The following OPCML variants were observed in gnomAD, a reference collection of about 807,000 sequenced individuals.
OPCML encodes the protein opioid-binding protein/cell adhesion molecule.
In OPCML, 13 loss-of-function variants were observed where a neutral mutation model predicts 37.8. The ratio of observed to expected loss-of-function variants is 0.34; its 90% CI spans 0.22 to 0.55. OPCML has a LOEUF of 0.55. Ranked by LOEUF, OPCML falls within the 20% of genes least tolerant of loss-of-function variation. The pLI, the probability that OPCML is intolerant of heterozygous loss-of-function variation, is 0.91. For synonymous variants in OPCML, 176 were observed against 168.8 expected (o/e 1.04, Z -0.33); for missense variants, 341 against 435.6 (o/e 0.78, Z 1.93).
rs936002507 is a variant in OPCML at position 132,931,214 on chromosome 11, A to T, written c.146+11712T>A. Among the ~76,000 whole-genome samples the T allele has an allele frequency of 2.6e-5, 4 of 152,280 alleles. No homozygotes were observed. The East Asian group carries it at 7.7e-4, about 29-fold the overall frequency. On this transcript the variant is annotated intron_variant, in intron 2 of 7. Coordinates refer to ENST00000524381, the MANE Select transcript of OPCML (RefSeq NM_001012393.5). ...ATAAGAGCTAAAACTATTAAAAAAA[A>T]TTTTAAGATAGGAAAAAAGCTTCAT...
Position 132,674,857 on chromosome 11 carries a change from A to G in OPCML, c.147-17538T>C, listed in dbSNP as rs76728846. ...ACTGGTTCTAGTTCTTCCTTGTAGC[A>G]GAAATAAATCCAGTGCTGCTTCTTC... On this transcript the variant is annotated intron_variant, in intron 2 of 7. Transcript: ENST00000524381. Among the ~76,000 whole-genome samples, 52 of 152,318 alleles carry G rather than the reference A, an allele frequency of 3.4e-4. 1 individual carries two copies. Among genetic ancestry groups the G allele is most frequent in the African/African-American group, 1.2e-3 (51 of 41,582 alleles).
chr11:133,082,173 G>A (rs997027719), intron 1 of OPCML, among the ~76,000 whole-genome samples: 1 of 151,538 alleles, frequency 6.6e-6, no homozygotes, highest in Admixed American at 6.6e-5. Context: ...CTGGGCCTCC[G>A]CCTCGGCTCC....
intron 1 of OPCML, among the ~76,000 whole-genome samples, chr11:133,017,686 G>A (rs190937911): frequency 6.6e-6 from 1 of 152,128 alleles, no homozygotes; most frequent in Non-Finnish European, 1.5e-5. Flanking sequence ...ACTGCGCCTG[G>A]CTTCTTCTTT....
chr11:132,599,366 G>GAGGAGGAAGA (rs202098010), intron 3 of OPCML, among the ~76,000 whole-genome samples: 45 of 128,584 alleles, frequency 3.5e-4, no homozygotes, highest in East Asian at 1.4e-3. Flanking sequence ...GGAGAAGGAG[G>GAGGAGGAAGA]AGGAGGAAGA....
At chr11:133,394,177 C>T (rs1464347134) in intron 1 of OPCML, among the ~76,000 whole-genome samples, 1 of 152,208 alleles carries the variant, frequency 6.6e-6, no homozygotes, top group East Asian at 1.9e-4. Flanking sequence ...GTCTCGCAGG[C>T]TCATAAACTC....
chr11:133,038,500 T>A (rs960396894), intron 1 of OPCML, among the ~76,000 whole-genome samples: 4 of 152,260 alleles, frequency 2.6e-5, no homozygotes, highest in Non-Finnish European at 5.9e-5. Flanking sequence ...AGATTCATTA[T>A]TTTAATTTTT....
chr11:132,953,612 A>G (rs2136702567), intron 1 of OPCML, among the ~76,000 whole-genome samples: 1 of 152,312 alleles, frequency 6.6e-6, no homozygotes, highest in Non-Finnish European at 1.5e-5. Flanking sequence ...GTTCAGTACC[A>G]TTATTACAGT....
intron 1 of OPCML, among the ~76,000 whole-genome samples, chr11:133,191,507 GTGT>G (rs1938317635): frequency 7.3e-6 from 1 of 137,560 alleles, no homozygotes; most frequent in African/African-American, 3.1e-5. Context: ...GTGTGTGGGT[GTGT>G]GTGTGTGTGT....
chr11:132,581,595 G>A (rs898010360), intron 3 of OPCML, among the ~76,000 whole-genome samples: 7 of 152,194 alleles, frequency 4.6e-5, no homozygotes, highest in African/African-American at 1.7e-4. Flanking sequence ...AACTAAGGCA[G>A]AGAAGAGAGC....
intron 4 of OPCML, among the ~76,000 whole-genome samples, chr11:132,449,982 G>C (rs1442902802): frequency 1.3e-5 from 2 of 152,174 alleles, no homozygotes; most frequent in Non-Finnish European, 2.9e-5. Flanking sequence ...GTTTGGAGGT[G>C]TGAGTTCTGT....
chr11:132,959,591 A>T (rs1383166803), intron 1 of OPCML, among the ~76,000 whole-genome samples: 1 of 152,084 alleles, frequency 6.6e-6, no homozygotes, highest in Non-Finnish European at 1.5e-5. Flanking sequence ...GAGAGTGGAA[A>T]AGAAAGTGGA....
chr11:132,618,604 C>T (rs190404579), intron 3 of OPCML, among the ~76,000 whole-genome samples: 28 of 152,280 alleles, frequency 1.8e-4, no homozygotes, highest in South Asian at 6.2e-4. Context: ...TCACACTGAA[C>T]GGATTTACCA....
At chr11:133,004,234 C>G (rs1947064372) in intron 1 of OPCML, 1 of 985,348 alleles carries the variant, frequency 1.0e-6, no homozygotes, top group African/African-American at 1.7e-5. Context: ...ATTGCCAGTG[C>G]CCCTGGGGAC....
intron 2 of OPCML, among the ~76,000 whole-genome samples, chr11:132,767,507 C>T (rs1946488093): frequency 6.6e-6 from 1 of 152,180 alleles, no homozygotes; most frequent in Admixed American, 6.5e-5. Context: ...ACTGCATTAC[C>T]CAGACTTCTC....
At chr11:132,804,642 T>C (rs1938890115) in intron 2 of OPCML, among the ~76,000 whole-genome samples, 1 of 152,154 alleles carries the variant, frequency 6.6e-6, no homozygotes, top group Non-Finnish European at 1.5e-5. Context: ...TATGGTGTAA[T>C]GACTAGAAAT....
At chr11:132,967,146 T>C (rs1946234751) in intron 1 of OPCML, among the ~76,000 whole-genome samples, 1 of 152,108 alleles carries the variant, frequency 6.6e-6, no homozygotes, top group South Asian at 2.1e-4. Flanking sequence ...ATCTCTTTAA[T>C]ATTAATACTT....
intron 3 of OPCML, among the ~76,000 whole-genome samples, chr11:132,600,079 T>C (rs908149224): frequency 3.9e-5 from 6 of 152,172 alleles, no homozygotes; most frequent in Admixed American, 1.3e-4. Context: ...GCCCACAGCA[T>C]AGCTGTGGGG....
intron 1 of OPCML, among the ~76,000 whole-genome samples, chr11:133,143,674 A>G (rs1485737998): frequency 1.3e-5 from 2 of 152,234 alleles, no homozygotes; most frequent in African/African-American, 4.8e-5. Context: ...TAAAGGAGGC[A>G]TGAATCGGAT....
At chr11:132,699,123 A>T (rs1943710461) in intron 2 of OPCML, among the ~76,000 whole-genome samples, 1 of 152,132 alleles carries the variant, frequency 6.6e-6, no homozygotes, top group South Asian at 2.1e-4. Flanking sequence ...ATGCTATTGT[A>T]AATGGGACTG....
Sources: allele counts gnomAD v4.1 joint callset (sites outside exome capture counted in the v4.1 genomes callset), GRCh38; gene constraint gnomAD v4.1.1; transcripts MANE v1.5; gene names NCBI Gene and HGNC (gene_info 2026-07-23, HGNC 2026-07-21).